The following FTCDNL1 variants were observed in gnomAD, a reference collection of about 807,000 sequenced individuals.
FTCDNL1 encodes the protein formiminotransferase cyclodeaminase N-terminal like, also known as formiminotransferase N-terminal subdomain-containing protein.
Under a neutral mutation model 5.9 loss-of-function variants are expected in FTCDNL1, and 11 were observed. The ratio of observed to expected loss-of-function variants is 1.87; its 90% CI spans 1.18 to 3.10. FTCDNL1 has a LOEUF of 3.10. Among genes scored for constraint, FTCDNL1 ranks in the 30% most tolerant of loss-of-function variants. FTCDNL1 has a pLI of 0.00. For synonymous variants in FTCDNL1, 58 were observed against 24.8 expected (o/e 2.34, Z -3.99); for missense variants, 115 against 65.5 (o/e 1.76, Z -2.61).
chr2:199,829,028 T>G (rs981031439), intron 3 of FTCDNL1, among the ~76,000 whole-genome samples: 1 of 152,162 alleles, frequency 6.6e-6, no homozygotes, highest in Non-Finnish European at 1.5e-5. Context: ...CAAAACCACA[T>G]GTACCTGTGG....
At chr2:199,818,597 C>CG (rs1553545775) in intron 4 of FTCDNL1, 1 of 145,138 alleles carries the variant, frequency 6.9e-6, no homozygotes, top group Non-Finnish European at 1.5e-5. Flanking sequence ...AAAACCTGTG[C>CG]TTTTTTTTTT....
intron 3 of FTCDNL1, among the ~76,000 whole-genome samples, chr2:199,776,407 C>T (rs1395970392): frequency 6.6e-6 from 1 of 152,194 alleles, no homozygotes; most frequent in Non-Finnish European, 1.5e-5. Context: ...CTTTAATGCA[C>T]TCGTGTTGCC....
At chr2:199,755,214 T>C in the FTCDNL1 span, among the ~76,000 whole-genome samples, 1 of 152,254 alleles carries the variant, frequency 6.6e-6, no homozygotes, top group African/African-American at 2.4e-5. Flanking sequence ...GCCCATCTGA[T>C]GCCTGTATCC....
intron 3 of FTCDNL1, among the ~76,000 whole-genome samples, chr2:199,787,806 C>CA (rs2106350259): frequency 6.6e-6 from 1 of 152,098 alleles, no homozygotes; most frequent in Non-Finnish European, 1.5e-5. Flanking sequence ...TTGAAGGAAA[C>CA]AGAGTATAAA....
intron 1 of FTCDNL1, among the ~76,000 whole-genome samples, chr2:199,849,656 T>C (rs552222506): frequency 2.4e-4 from 36 of 152,360 alleles, no homozygotes; most frequent in Non-Finnish European, 5.0e-4. Context: ...GAAAATTAAT[T>C]ATACAGGTTT....
In FTCDNL1 at chr2:199,772,647, G is replaced by C. The variant is rs1574465894; in HGVS notation, c.212-11812C>G. Among the ~76,000 whole-genome samples, 3 of 152,244 alleles carry C rather than the reference G, an allele frequency of 2.0e-5. No homozygotes were observed. In the Middle Eastern group the frequency reaches 0.01, roughly 518 times the overall value. On this transcript the variant is annotated intron_variant, in intron 3 of 3. Coordinates refer to the FTCDNL1 transcript ENST00000416668. The stretch of plus-strand genomic sequence containing the variant: ...ACATCTGCCCCTTCTTGGTCATCCA[G>C]TCTAATGAACACAATGCCATCAATA...
rs1163875521 is a variant in FTCDNL1 at position 199,846,099 on chromosome 2, T to C, written c.187A>G (p.Ile63Val). 1.4e-6 allele frequency: 1 copy of C among 698,150 alleles called. No homozygotes were observed. The highest frequency in any genetic ancestry group is 2.0e-5 in the Admixed American group (1 of 49,104). The allele number at this position is 698,150 out of a possible 1,614,324, so 43.2% of individuals were successfully genotyped here. Residue 63 changes from isoleucine to valine, a missense_variant, in exon 3 of 5, where the codon ATA (isoleucine) becomes GTA (valine). Coordinates refer to ENST00000420128, the MANE Select transcript of FTCDNL1 (RefSeq NM_001363886.2). Reference sequence around the variant, plus strand: ...CCCAACTTATCAACAGAAGTTGCTATTGTAATGACTGATCTCTTGTAGTCT... The same window carrying C: ...CCCAACTTATCAACAGAAGTTGCTACTGTAATGACTGATCTCTTGTAGTCT... ...DQDYKRSVIT[I>V]ATSVDKLGLA...
the FTCDNL1 span, among the ~76,000 whole-genome samples, chr2:199,699,705 T>C: frequency 6.6e-6 from 1 of 152,220 alleles, no homozygotes; most frequent in Non-Finnish European, 1.5e-5. Flanking sequence ...TCCACCATGA[T>C]CAAGTAGGCT....
At chr2:199,841,792 G>T (rs1244021732) in intron 3 of FTCDNL1, among the ~76,000 whole-genome samples, 2 of 152,048 alleles carry the variant, frequency 1.3e-5, no homozygotes, top group Non-Finnish European at 2.9e-5. Flanking sequence ...ATTCTCTTAG[G>T]CCAATATCAT....
the FTCDNL1 span, among the ~76,000 whole-genome samples, chr2:199,745,338 CTGTTT>C: frequency 3.9e-5 from 6 of 152,278 alleles, no homozygotes; most frequent in Admixed American, 2.0e-4. Context: ...AAGTAAGATT[CTGTTT>C]TATTTTATCT....
the FTCDNL1 span, among the ~76,000 whole-genome samples, chr2:199,700,923 G>GAA: frequency 7.5e-5 from 11 of 146,066 alleles, no homozygotes; most frequent in East Asian, 6.0e-4. Context: ...TTCTCAACTA[G>GAA]AAAAAAAAAA....
the FTCDNL1 span, among the ~76,000 whole-genome samples, chr2:199,712,997 C>A: frequency 6.6e-6 from 1 of 152,168 alleles, no homozygotes; most frequent in African/African-American, 2.4e-5. Context: ...ATTCAACCTA[C>A]AACAGTTTCT....
chr2:199,796,967 T>C (rs1000148996), intron 3 of FTCDNL1, among the ~76,000 whole-genome samples: 9 of 152,120 alleles, frequency 5.9e-5, no homozygotes, highest in African/African-American at 2.2e-4. Context: ...AATCTCTCCT[T>C]TGCAGCTTCT....
chr2:199,842,741 C>T lies in FTCDNL1; in HGVS notation c.211+3334G>A, dbSNP rs530993084. On this transcript the variant is annotated intron_variant, in intron 3 of 4. Coordinates refer to ENST00000420128, the MANE Select transcript of FTCDNL1 (RefSeq NM_001363886.2). ...CAAAGTATACATAAATTACACATAT[C>T]AGTATCAACTCTTTTATGTCACTGG... Among the ~76,000 whole-genome samples the T allele has an allele frequency of 1.7e-3, 252 of 152,232 alleles. 2 individuals carry two copies. Among genetic ancestry groups the T allele is most frequent in the African/African-American group, 5.9e-3 (246 of 41,544 alleles).
the FTCDNL1 span, among the ~76,000 whole-genome samples, chr2:199,729,465 C>G: frequency 6.6e-6 from 1 of 152,172 alleles, no homozygotes; most frequent in African/African-American, 2.4e-5. Context: ...AACGTCTCAG[C>G]CCAAAAATTC....
chr2:199,699,921 T>C, the FTCDNL1 span, among the ~76,000 whole-genome samples: 34 of 152,118 alleles, frequency 2.2e-4, no homozygotes, highest in Non-Finnish European at 4.7e-4. Flanking sequence ...GAGCCACATA[T>C]GATAAACCCA....
At chr2:199,781,187 C>T (rs1699344301) in intron 3 of FTCDNL1, among the ~76,000 whole-genome samples, 1 of 152,202 alleles carries the variant, frequency 6.6e-6, no homozygotes, top group South Asian at 2.1e-4. Flanking sequence ...ATTTCTCCCT[C>T]CAGGCATTTG....
At chr2:199,701,344 A>C in the FTCDNL1 span, among the ~76,000 whole-genome samples, 13 of 64,776 alleles carry the variant, frequency 2.0e-4, no homozygotes, top group East Asian at 4.4e-3. Context: ...AAAAAAAAAA[A>C]AAAAAAAACC....
the FTCDNL1 span, among the ~76,000 whole-genome samples, chr2:199,698,632 G>A: frequency 1.3e-5 from 2 of 152,114 alleles, no homozygotes; most frequent in African/African-American, 2.4e-5. Flanking sequence ...AAGCAGTGTT[G>A]AGAAGGAAAT....
Sources: gnomAD v4.1 joint callset for allele counts (sites outside exome capture counted in the v4.1 genomes callset) on GRCh38, gnomAD v4.1.1 for gene constraint, MANE v1.5 for transcripts, NCBI Gene and HGNC (gene_info 2026-07-23, HGNC 2026-07-21) for gene names.